Variants in CDH12 observed in about 807,000 individuals in gnomAD.
The protein encoded by CDH12 is cadherin 12, also known as cadherin-12.
In CDH12, 41 loss-of-function variants were observed where a neutral mutation model predicts 74.1. That is an observed-to-expected ratio of 0.55 (90% CI 0.43 to 0.72). The LOEUF (loss-of-function observed/expected upper bound fraction) is 0.72. Ranked by LOEUF, CDH12 falls within the 30% of genes least tolerant of loss-of-function variation. The pLI is 0.00. For missense variants in CDH12, 945 were observed against 977.2 expected (o/e 0.97, Z 0.44); for synonymous variants, 399 against 355.0 (o/e 1.12, Z -1.39).
chr5:22,144,609 C>T (rs1747037658), intron 4 of CDH12, among the ~76,000 whole-genome samples: 1 of 152,058 alleles, frequency 6.6e-6, no homozygotes, highest in Non-Finnish European at 1.5e-5. Context: ...GTGGAGGCAT[C>T]TTTCCTATAT....
chr5:22,767,640 C>G (rs1471417389), intron 1 of CDH12, among the ~76,000 whole-genome samples: 1 of 151,838 alleles, frequency 6.6e-6, no homozygotes, highest in African/African-American at 2.4e-5. Flanking sequence ...TGTAGCTATG[C>G]TGCTTATTTC....
intron 1 of CDH12, among the ~76,000 whole-genome samples, chr5:22,653,600 T>C (rs940533336): frequency 6.6e-6 from 1 of 152,194 alleles, no homozygotes; most frequent in Admixed American, 6.5e-5. Flanking sequence ...TTTGCTTCCA[T>C]TGTCATCTCA....
At chr5:22,317,795 C>T (rs915609969) in intron 3 of CDH12, among the ~76,000 whole-genome samples, 2 of 151,944 alleles carry the variant, frequency 1.3e-5, no homozygotes, top group African/African-American at 4.8e-5. Context: ...GTCTTGATGC[C>T]AAGTGACATG....
At chr5:22,784,466 CACT>C (rs1412110655) in intron 1 of CDH12, among the ~76,000 whole-genome samples, 7 of 152,120 alleles carry the variant, frequency 4.6e-5, no homozygotes, top group African/African-American at 9.7e-5. Flanking sequence ...TCATCTTCTG[CACT>C]ACTTTTTCCT....
chr5:22,272,105 C>T (rs1415116426), intron 3 of CDH12, among the ~76,000 whole-genome samples: 3 of 152,176 alleles, frequency 2.0e-5, no homozygotes, highest in Admixed American at 6.6e-5. Context: ...TTTGTTTACA[C>T]TGAAAATATA....
chr5:22,069,638 C>T (rs943298898), intron 5 of CDH12, among the ~76,000 whole-genome samples: 2 of 152,154 alleles, frequency 1.3e-5, no homozygotes, highest in African/African-American at 2.4e-5. Context: ...GAGACTGCCA[C>T]CCAGCCTCTC....
intron 6 of CDH12, among the ~76,000 whole-genome samples, chr5:21,926,836 G>C (rs1260314450): frequency 6.6e-6 from 1 of 152,188 alleles, no homozygotes; most frequent in Non-Finnish European, 1.5e-5. Flanking sequence ...GGTGATGGTA[G>C]AATGTTCTCT....
intron 3 of CDH12, among the ~76,000 whole-genome samples, chr5:22,222,293 T>G (rs1752044186): frequency 6.6e-6 from 1 of 151,996 alleles, no homozygotes; most frequent in Non-Finnish European, 1.5e-5. Context: ...ACACCGGAAC[T>G]ATTTTCATTT....
intron 1 of CDH12, among the ~76,000 whole-genome samples, chr5:22,654,587 G>A (rs1365586113): frequency 6.6e-6 from 1 of 150,958 alleles, no homozygotes; most frequent in Non-Finnish European, 1.5e-5. Flanking sequence ...ACCACATCCG[G>A]CCTCGATGTA....
rs1387097111 is a variant in CDH12 at position 22,431,732 on chromosome 5, GTGTT to G, written c.-427-26385_-427-26382del. On this transcript the variant is annotated intron_variant, in intron 2 of 14. Coordinates refer to ENST00000382254, the MANE Select transcript of CDH12 (RefSeq NM_004061.5). ...GGTGAAGGCCTAGGCCAATGTGTGT[GTGTT>G]TGTGTCTTTATTTTTAACATAAATA... Among the ~76,000 whole-genome samples the G allele has an allele frequency of 2.6e-5, 4 of 152,180 alleles. No individual in the cohort carries two copies. The East Asian group carries it at 7.7e-4, about 29-fold the overall frequency.
intron 1 of CDH12, among the ~76,000 whole-genome samples, chr5:22,591,734 T>A (rs575466256): frequency 1.3e-5 from 2 of 152,270 alleles, no homozygotes; most frequent in East Asian, 3.9e-4. Flanking sequence ...GAGTTTTCCA[T>A]AACACATATA....
chr5:21,873,416 C>T lies in CDH12; in HGVS notation c.527-18626G>A, dbSNP rs115760659. ...CTAGAAAATTCTCTTGTACCCCCTTCGGACACTGATGTGCAGATGCCTGGA... is the reference window on the plus strand; with the variant it reads ...CTAGAAAATTCTCTTGTACCCCCTTTGGACACTGATGTGCAGATGCCTGGA... On this transcript the variant is annotated intron_variant, in intron 6 of 14. Transcript: ENST00000382254. 2.4e-3 allele frequency among the ~76,000 whole-genome samples: 364 copies of T among 152,250 alleles called. 1 individual carries two copies. The highest frequency in any genetic ancestry group is 4.3e-3 in the African/African-American group (180 of 41,536).
intron 1 of CDH12, among the ~76,000 whole-genome samples, chr5:22,825,091 C>G (rs952220496): frequency 6.6e-6 from 1 of 151,966 alleles, no homozygotes; most frequent in African/African-American, 2.4e-5. Context: ...CATTCATTTA[C>G]CCATTCATTT....
At chr5:22,318,862 A>C (rs1342986039) in intron 3 of CDH12, among the ~76,000 whole-genome samples, 2 of 152,194 alleles carry the variant, frequency 1.3e-5, no homozygotes, top group African/African-American at 4.8e-5. Context: ...CGATCATTAA[A>C]ATATGCCTGT....
In CDH12 at chr5:22,783,330, A is replaced by G. The variant is rs529083601; in HGVS notation, c.-523+69728T>C. Among the ~76,000 whole-genome samples the G allele has an allele frequency of 2.0e-5, 3 of 152,224 alleles. No homozygotes were observed. In the East Asian group the frequency reaches 5.8e-4, roughly 29 times the overall value. On this transcript the variant is annotated intron_variant, in intron 1 of 14. Coordinates refer to ENST00000382254, the MANE Select transcript of CDH12 (RefSeq NM_004061.5). ...GTGAATTGCATCCTGAGGTAAAGGC[A>G]AAGCTGTGAGATGAATGGTAATGAG...
intron 5 of CDH12, among the ~76,000 whole-genome samples, chr5:22,028,276 G>T (rs1253182577): frequency 6.6e-6 from 1 of 152,104 alleles, no homozygotes; most frequent in Non-Finnish European, 1.5e-5. Context: ...TTAGGCAGGA[G>T]AAGGAAATAA....
intron 1 of CDH12, among the ~76,000 whole-genome samples, chr5:22,634,788 T>G (rs1220849018): frequency 6.6e-6 from 1 of 152,130 alleles, no homozygotes; most frequent in Non-Finnish European, 1.5e-5. Context: ...GGGAATAAAC[T>G]TATCAAAATA....
Position 22,436,162 on chromosome 5 carries a change from G to A in CDH12, c.-427-30811C>T, listed in dbSNP as rs569476918. On this transcript the variant is annotated intron_variant, in intron 2 of 14. Coordinates refer to ENST00000382254, the MANE Select transcript of CDH12 (RefSeq NM_004061.5). ...AAACCATCATTCTCAGCAAACTATC[G>A]CAAGGACAAAAAAACCAAACACCAC... Among the ~76,000 whole-genome samples, 27 of 150,106 alleles carry A rather than the reference G, an allele frequency of 1.8e-4. No individual in the cohort carries two copies. The East Asian group carries it at 3.6e-3, about 20-fold the overall frequency.
intron 1 of CDH12, among the ~76,000 whole-genome samples, chr5:22,658,620 C>A (rs1740184919): frequency 6.6e-6 from 1 of 151,884 alleles, no homozygotes. Context: ...ACAAAGGCAA[C>A]AAATAAAATA....
Sources: allele counts gnomAD v4.1 joint callset (sites outside exome capture counted in the v4.1 genomes callset), GRCh38; gene constraint gnomAD v4.1.1; transcripts MANE v1.5; gene names NCBI Gene and HGNC (gene_info 2026-07-23, HGNC 2026-07-21).